UBE2R2: variants seen among roughly 807,000 people sequenced by gnomAD.
UBE2R2 encodes the protein ubiquitin-conjugating enzyme E2 R2.
UBE2R2 carries 1 observed loss-of-function variant against 27.8 expected under a neutral mutation model. The observed-to-expected ratio is 0.04, with a 90% CI of 0.01 to 0.17. The LOEUF is 0.17. UBE2R2 is among the 10% of genes least tolerant of loss of function. The probability of loss-of-function intolerance (pLI) is 1.00; values close to 1 mark genes in which losing one functional copy is unlikely to be tolerated. For missense variants in UBE2R2, 100 were observed against 291.0 expected, an observed-to-expected ratio of 0.34 and a Z score of 4.78; for synonymous variants, 106 against 113.3, an observed-to-expected ratio of 0.94 and a Z score of 0.41.
intron 1 of UBE2R2, among the ~76,000 whole-genome samples, chr9:33,871,119 G>A (rs1821476195): frequency 6.6e-6 from 1 of 152,140 alleles, no homozygotes; most frequent in African/African-American, 2.4e-5. Flanking sequence ...GCCAGAATTA[G>A]GCATTTATTT....
chr9:33,854,158 TATTA>T (rs1053083680), intron 1 of UBE2R2, among the ~76,000 whole-genome samples: 4 of 152,220 alleles, frequency 2.6e-5, no homozygotes, highest in Non-Finnish European at 5.9e-5. Context: ...CTACTTTTGA[TATTA>T]ATATCTAATT....
At chr9:33,909,993 G>A (rs567102311) in intron 3 of UBE2R2, among the ~76,000 whole-genome samples, 1 of 152,210 alleles carries the variant, frequency 6.6e-6, no homozygotes, top group South Asian at 2.1e-4. Flanking sequence ...GAGCAAAAGG[G>A]TATTTTACAA....
At chr9:33,893,240 A>G (rs937928349) in intron 2 of UBE2R2, among the ~76,000 whole-genome samples, 2 of 152,120 alleles carry the variant, frequency 1.3e-5, no homozygotes, top group African/African-American at 4.8e-5. Flanking sequence ...TGTTCCCTCA[A>G]TCTCTGGCAA....
At chr9:33,829,793 GTTTTTTTTTTTT>G (rs36079457) in intron 1 of UBE2R2, among the ~76,000 whole-genome samples, 2 of 97,186 alleles carry the variant, frequency 2.1e-5, no homozygotes, top group African/African-American at 7.6e-5. Context: ...TAGTGCAATC[GTTTTTTTTTTTT>G]TTTTTTTTTT....
chr9:33,825,899 T>C (rs1820305468), intron 1 of UBE2R2, among the ~76,000 whole-genome samples: 1 of 152,166 alleles, frequency 6.6e-6, no homozygotes, highest in South Asian at 2.1e-4. Flanking sequence ...CCCAGCACTT[T>C]TGGGAGGCGG....
chr9:33,913,438 T>C (rs1177444649), intron 4 of UBE2R2, among the ~76,000 whole-genome samples: 3 of 152,038 alleles, frequency 2.0e-5, no homozygotes, highest in South Asian at 2.1e-4. Flanking sequence ...TCTATTATTA[T>C]TTTTGTAGAG....
Position 33,918,139 on chromosome 9 carries a change from T to G in UBE2R2, c.*902T>G, listed in dbSNP as rs1203729372. On this transcript the variant is annotated 3_prime_UTR_variant, in exon 5 of 5. Transcript: ENST00000263228. Reference sequence around the variant, plus strand: ...GGTTGATGCTACTGGGGGGAAAAAGTTGAAACTACTGGTGACCACTGTTGG... The same window carrying G: ...GGTTGATGCTACTGGGGGGAAAAAGGTGAAACTACTGGTGACCACTGTTGG... 2 of 153,020 alleles carry G rather than the reference T, an allele frequency of 1.3e-5. No individual in the cohort carries two copies. Among genetic ancestry groups the G allele is most frequent in the African/African-American group, 4.8e-5 (2 of 41,432 alleles). 9.5% of individuals were successfully genotyped at this position (153,020 alleles called of 1,614,324 possible).
At position 33,886,899 on chromosome 9, in the gene UBE2R2, A is replaced by G. The variant is rs142075824; in HGVS notation, c.196A>G (p.Ile66Val). The G allele has an allele frequency of 3.2e-5, 50 of 1,586,168 alleles. No homozygotes were observed. The highest frequency in any genetic ancestry group is 5.5e-5 in the African/African-American group (4 of 72,696). Residue 66 changes from isoleucine (I) to valine (V), a missense_variant, in exon 2 of 5, where the codon ATT becomes GTT. Physicochemically the swap from Ile to Val is conservative, Grantham distance 29. This residue lies in a region of UBE2R2 where 43 missense variants were observed against 129.2 expected (regional missense o/e 0.33). Coordinates refer to ENST00000263228, the MANE Select transcript of UBE2R2 (RefSeq NM_017811.4). Reference protein sequence around the residue: ...GYFKAHIKFPIDYPYSPPTFR... With the variant: ...GYFKAHIKFPVDYPYSPPTFR... ...TTTTCAGGCGCATATTAAATTTCCT[A>G]TTGACTACCCCTATTCACCACCTAC...
chr9:33,916,287 G>A (rs1007579614), intron 4 of UBE2R2, among the ~76,000 whole-genome samples: 1 of 152,168 alleles, frequency 6.6e-6, no homozygotes, highest in Non-Finnish European at 1.5e-5. Context: ...GTTGCAGTGG[G>A]CCGAGATCAC....
At chr9:33,837,420 C>CTTT (rs374681097) in intron 1 of UBE2R2, among the ~76,000 whole-genome samples, 10 of 126,676 alleles carry the variant, frequency 7.9e-5, no homozygotes, top group Non-Finnish European at 9.8e-5. Context: ...GCTGCTGCTT[C>CTTT]TTTTTTTTTT....
chr9:33,817,028 G>A (rs1825786332), upstream of UBE2R2, among the ~76,000 whole-genome samples: 1 of 151,074 alleles, frequency 6.6e-6, no homozygotes, highest in African/African-American at 2.4e-5. Context: ...GGTGGTAGTG[G>A]AGGAGAGCCA....
intron 1 of UBE2R2, among the ~76,000 whole-genome samples, chr9:33,862,200 T>C (rs1821255614): frequency 6.6e-6 from 1 of 152,150 alleles, no homozygotes; most frequent in African/African-American, 2.4e-5. Flanking sequence ...TGCTTATCAT[T>C]TGGTATGATA....
intron 4 of UBE2R2, among the ~76,000 whole-genome samples, chr9:33,916,186 C>A (rs751240546): frequency 7.9e-5 from 12 of 152,146 alleles, no homozygotes; most frequent in Non-Finnish European, 1.8e-4. Flanking sequence ...ACTAAAAATA[C>A]AAAATTTAGC....
chr9:33,917,227 A>T lies in UBE2R2; in HGVS notation c.707A>T (p.Glu236Val). The T allele has an allele frequency of 6.2e-7, 1 of 1,614,176 alleles. No individual in the cohort carries two copies. Among genetic ancestry groups the T allele is most frequent in the Non-Finnish European group, 8.5e-7 (1 of 1,180,040 alleles). ...DCYDDDDSGNEES is the reference protein window; with the variant it reads ...DCYDDDDSGNVES Reference sequence around the variant, plus strand: ...TATGATGATGATGATTCTGGGAATGAGGAGTCGTGACGTGCTCCTTCAGTG... The same window carrying T: ...TATGATGATGATGATTCTGGGAATGTGGAGTCGTGACGTGCTCCTTCAGTG... The change falls in exon 5 of 5, where the codon GAG becomes GTG. Residue 236 changes from glutamate (E) to valine (V), a missense_variant. Physicochemically the swap from Glu to Val is moderately radical, Grantham distance 121. Transcript: ENST00000263228.
At chr9:33,911,914 A>C (rs1450167875) in intron 3 of UBE2R2, 50 bp from the exon 4 acceptor site, 1 of 1,545,806 alleles carries the variant, frequency 6.5e-7, no homozygotes, top group African/African-American at 1.4e-5. Flanking sequence ...AATACTTTTA[A>C]ATACTGTAAA....
At chr9:33,903,855 A>T (rs1473656433) in intron 3 of UBE2R2, among the ~76,000 whole-genome samples, 2 of 152,168 alleles carry the variant, frequency 1.3e-5, no homozygotes, top group Non-Finnish European at 2.9e-5. Context: ...AAGCTTCCCA[A>T]CTACAACTAG....
At chr9:33,873,979 G>A (rs970470553) in intron 1 of UBE2R2, among the ~76,000 whole-genome samples, 3 of 144,632 alleles carry the variant, frequency 2.1e-5, no homozygotes, top group African/African-American at 7.7e-5. Flanking sequence ...ATGGAATTTC[G>A]TTCTGTCACC....
chr9:33,914,123 A>G lies in UBE2R2; in HGVS notation c.497+2025A>G, dbSNP rs555290380. Among the ~76,000 whole-genome samples the G allele has an allele frequency of 2.6e-5, 4 of 152,280 alleles. No individual in the cohort carries two copies. In the South Asian group the frequency reaches 8.3e-4, roughly 32 times the overall value. On this transcript the variant is annotated intron_variant, in intron 4 of 4. Coordinates refer to ENST00000263228, the MANE Select transcript of UBE2R2 (RefSeq NM_017811.4). ...ACTAAGCAACAGCTTTGTGTTAGGTACTCATTAAGGCATAGCCTGTCTCCT... is the reference window on the plus strand; with the variant it reads ...ACTAAGCAACAGCTTTGTGTTAGGTGCTCATTAAGGCATAGCCTGTCTCCT...
rs1471640286 is a variant in UBE2R2 at position 33,886,985 on chromosome 9, A to G, written c.264+18A>G. 1.3e-6 allele frequency: 2 copies of G among 1,573,688 alleles called. No homozygotes were observed. The highest frequency in any genetic ancestry group is 2.3e-5 in the East Asian group (1 of 43,340). On this transcript the variant is annotated intron_variant, in intron 2 of 4. Transcript: ENST00000263228. Reference sequence around the variant, plus strand: ...TTTATGAGGTAAGGAGACATCCATCATAAATTTCTCTGAAGATTTTTTTTT... The same window carrying G: ...TTTATGAGGTAAGGAGACATCCATCGTAAATTTCTCTGAAGATTTTTTTTT...
Sources: allele counts gnomAD v4.1 joint callset (sites outside exome capture counted in the v4.1 genomes callset), GRCh38; gene constraint gnomAD v4.1.1; regional missense constraint gnomAD v4.1.1; transcripts MANE v1.5; gene names NCBI Gene and HGNC (gene_info 2026-07-23, HGNC 2026-07-21).